PYROXD2: variants seen among roughly 807,000 people sequenced by gnomAD.
PYROXD2 encodes the protein pyridine nucleotide-disulfide oxidoreductase domain-containing protein 2.
A neutral mutation model predicts 71.1 loss-of-function variants in PYROXD2; 69 were observed. The ratio of observed to expected loss-of-function variants is 0.97; its 90% CI spans 0.80 to 1.19. The LOEUF (loss-of-function observed/expected upper bound fraction) is 1.19, where lower values mean the gene tolerates loss of function less well. Among genes scored for constraint, PYROXD2 ranks in the 50% most tolerant of loss-of-function variants. The pLI, the probability that PYROXD2 is intolerant of heterozygous loss-of-function variation, is 0.00. For synonymous variants in PYROXD2, 287 were observed against 302.7 expected (o/e 0.95, Z 0.54); for missense variants, 745 against 748.9 (o/e 0.99, Z 0.06).
At chr10:98,383,924 G>C in intron 15 of PYROXD2, 56 bp from the exon 16 acceptor site, 4 of 1,492,092 alleles carry the variant, frequency 2.7e-6, no homozygotes, top group South Asian at 2.3e-5. Context: ...CCAGGGTGGG[G>C]GTGGGGACAG....
Position 98,415,121 on chromosome 10 carries a change from GC to G in PYROXD2, c.14del (p.Gly5AlafsTer27). The G allele has an allele frequency of 6.2e-7, 1 of 1,613,020 alleles. No homozygotes were observed. Among genetic ancestry groups the G allele is most frequent in the Non-Finnish European group, 8.5e-7 (1 of 1,179,614 alleles). On this transcript the variant is annotated frameshift_variant, in exon 1 of 16. Transcript: ENST00000370575. LOFTEE classifies it high-confidence loss of function. MAAS[G>X]RGLCKAVAAS... is the part of the protein sequence containing the mutation. ...CGGCCACAGCCTTGCAGAGACCTCG[GC>G]CACTTGCAGCCATTTCTGCCCCAGG...
At chr10:98,392,078 T>C (rs535700482) in intron 10 of PYROXD2, among the ~76,000 whole-genome samples, 6 of 152,164 alleles carry the variant, frequency 3.9e-5, no homozygotes, top group Non-Finnish European at 4.4e-5. Flanking sequence ...TTAATAATCA[T>C]GGATAATATA....
chr10:98,394,400 T>C (rs1415542074), intron 8 of PYROXD2, among the ~76,000 whole-genome samples: 1 of 152,106 alleles, frequency 6.6e-6, no homozygotes, highest in Non-Finnish European at 1.5e-5. Context: ...TGGGGCCGGC[T>C]TAATATGTGT....
At chr10:98,388,718 C>G (rs778444365) in intron 12 of PYROXD2, among the ~76,000 whole-genome samples, 2 of 151,876 alleles carry the variant, frequency 1.3e-5, no homozygotes, top group Non-Finnish European at 2.9e-5. Flanking sequence ...TGACCCCAGA[C>G]CCCCGAATGC....
At chr10:98,395,164 C>A in intron 8 of PYROXD2, 32 bp downstream of exon 8, 1 of 1,579,822 alleles carries the variant, frequency 6.3e-7, no homozygotes, top group South Asian at 1.1e-5. Flanking sequence ...ACATGCCCCA[C>A]TCCTGTGTCC....
chr10:98,409,489 C>T (rs939163850), intron 2 of PYROXD2, among the ~76,000 whole-genome samples: 94 of 152,340 alleles, frequency 6.2e-4, no homozygotes, highest in African/African-American at 2.2e-3. Context: ...ATGTGAGTTC[C>T]CTCGCTGCAA....
intron 14 of PYROXD2, among the ~76,000 whole-genome samples, chr10:98,385,870 C>T (rs1228128729): frequency 6.6e-6 from 1 of 152,244 alleles, no homozygotes; most frequent in Non-Finnish European, 1.5e-5. Context: ...CAGCCATTCC[C>T]TTCCTTCCCG....
intron 14 of PYROXD2, 48 bp from the exon 15 acceptor site, chr10:98,385,115 TC>T: frequency 1.2e-6 from 2 of 1,606,726 alleles, no homozygotes; most frequent in East Asian, 4.5e-5. Context: ...TTACAGCCTT[TC>T]CTGCTCTGGC....
chr10:98,395,358 C>A (rs776175956), intron 7 of PYROXD2, 33 bp downstream of exon 7: 13 of 1,612,962 alleles, frequency 8.1e-6, no homozygotes, highest in Non-Finnish European at 1.0e-5. Flanking sequence ...CCTCTCACTG[C>A]CTGGTCGGGC....
At chr10:98,392,899 G>A in intron 9 of PYROXD2, 43 bp downstream of exon 9, 1 of 1,599,568 alleles carries the variant, frequency 6.3e-7, no homozygotes, top group Non-Finnish European at 8.6e-7. Flanking sequence ...TTCTGTCCTG[G>A]GATCCTTACT....
intron 4 of PYROXD2, among the ~76,000 whole-genome samples, chr10:98,405,551 TG>T (rs1166122134): frequency 2.6e-5 from 4 of 152,202 alleles, no homozygotes; most frequent in African/African-American, 9.7e-5. Context: ...AGGAGGCAGC[TG>T]CTGTTACTAT....
At chr10:98,398,134 C>T (rs1422636467) in intron 5 of PYROXD2, among the ~76,000 whole-genome samples, 2 of 152,142 alleles carry the variant, frequency 1.3e-5, no homozygotes, top group African/African-American at 2.4e-5. Context: ...CCGCCTGCCT[C>T]GGCCTCTCAA....
rs141834853 is a variant in PYROXD2 at position 98,392,521 on chromosome 10, C to T, written c.973G>A (p.Val325Ile). 20 of 1,613,502 alleles carry T rather than the reference C, an allele frequency of 1.2e-5. No individual in the cohort carries two copies. The Admixed American group carries it at 1.5e-4, about 12-fold the overall frequency. Residue 325 changes from valine (V) to isoleucine (I), a missense_variant, in exon 10 of 16, where the codon GTT becomes ATT. Val to Ile is a conservative substitution (Grantham distance 29). Transcript: ENST00000370575. ...ACCTCTGTGCCATCTTCCAGCACAA[C>T]TCCTTGAACACAGCCTTCACTGTTC... The part of the protein sequence containing the change: ...QVNSEGCVQG[V>I]VLEDGTEVRS...
At position 98,392,581 on chromosome 10, in the gene PYROXD2, A is replaced by T. The variant is rs988405973; in HGVS notation, c.928-15T>A. On this transcript the variant is annotated splice_polypyrimidine_tract_variant and intron_variant, in intron 9 of 15. Coordinates refer to ENST00000370575, the MANE Select transcript of PYROXD2 (RefSeq NM_032709.3). ...TTCGCCACTGTCTAGAGCCCACCAG[A>T]ACAAGGCCCCAGAAACCGCAGGAAG... 10 of 1,608,694 alleles carry T rather than the reference A, an allele frequency of 6.2e-6. No homozygotes were observed. Among genetic ancestry groups the T allele is most frequent in the Non-Finnish European group, 8.5e-6 (10 of 1,179,868 alleles).
At chr10:98,400,923 A>G (rs761883677) in intron 4 of PYROXD2, among the ~76,000 whole-genome samples, 16 of 152,178 alleles carry the variant, frequency 1.1e-4, no homozygotes, top group Non-Finnish European at 4.4e-5. Context: ...TGCACTGAAT[A>G]CTGGAGGCAA....
At chr10:98,406,291 TG>T (rs1244240629) in intron 4 of PYROXD2, among the ~76,000 whole-genome samples, 1 of 152,226 alleles carries the variant, frequency 6.6e-6, no homozygotes. Flanking sequence ...CAAGTGAAAA[TG>T]TCCATTCTGT....
chr10:98,402,322 C>A (rs965027499), intron 4 of PYROXD2, among the ~76,000 whole-genome samples: 11 of 152,152 alleles, frequency 7.2e-5, no homozygotes, highest in Admixed American at 6.5e-4. Context: ...AAAGCCCCAG[C>A]TCTCAGCACC....
Position 98,388,496 on chromosome 10 carries a change from C to T in PYROXD2, c.1305G>A (p.Glu435=), listed in dbSNP as rs1423934347. The stretch of plus-strand genomic sequence containing the variant: ...GGTCCAGCGAGGAAGGGATGCAGAG[C>T]TCAATCACAGGCCTGTGCGGGCAGG... The part of the protein sequence containing the change: ...DGLPSHRPVI[E]LCIPSSLDPT... Residue 435 remains glutamate, a synonymous_variant, in exon 13 of 16, where the codon GAG becomes GAA. Coordinates refer to ENST00000370575, the MANE Select transcript of PYROXD2 (RefSeq NM_032709.3). The T allele has an allele frequency of 1.2e-6, 2 of 1,607,046 alleles. No homozygotes were observed. The highest frequency in any genetic ancestry group is 1.3e-5 in the African/African-American group (1 of 74,386).
Position 98,388,514 on chromosome 10 carries a change from C to G in PYROXD2, c.1293-6G>C, listed in dbSNP as rs749186382. 16 of 1,584,586 alleles carry G rather than the reference C, an allele frequency of 1.0e-5. No individual in the cohort carries two copies. Among genetic ancestry groups the G allele is most frequent in the Non-Finnish European group, 1.3e-5 (15 of 1,165,894 alleles). On this transcript the variant is annotated splice_region_variant and splice_polypyrimidine_tract_variant and intron_variant, in intron 12 of 15. Coordinates refer to ENST00000370575, the MANE Select transcript of PYROXD2 (RefSeq NM_032709.3). Reference sequence around the variant, plus strand: ...TGCAGAGCTCAATCACAGGCCTGTGCGGGCAGGGAGGAGACGGCAGGTCTA... The same window carrying G: ...TGCAGAGCTCAATCACAGGCCTGTGGGGGCAGGGAGGAGACGGCAGGTCTA...
Sources: allele counts gnomAD v4.1 joint callset (sites outside exome capture counted in the v4.1 genomes callset), GRCh38; gene constraint gnomAD v4.1.1; transcripts MANE v1.5; gene names NCBI Gene and HGNC (gene_info 2026-07-23, HGNC 2026-07-21).